MEIKIN: variants seen among roughly 807,000 people sequenced by gnomAD.
The protein encoded by MEIKIN is meiosis-specific kinetochore protein.
At chr5:131,889,653 G>A (rs1030085447) in intron 8 of MEIKIN, among the ~76,000 whole-genome samples, 8 of 152,196 alleles carry the variant, frequency 5.3e-5, no homozygotes, top group Non-Finnish European at 1.2e-4. Flanking sequence ...CATGTCATCT[G>A]CAAACAGGGA....
At chr5:131,914,826 G>A (rs1212178959) in intron 7 of MEIKIN, among the ~76,000 whole-genome samples, 1 of 152,108 alleles carries the variant, frequency 6.6e-6, no homozygotes, top group Non-Finnish European at 1.5e-5. Context: ...GACAATGGGA[G>A]CTGACTTTTC....
At chr5:131,819,008 C>T (rs1308515602) in intron 11 of MEIKIN, 145 bp from the exon 12 acceptor site, 7 of 377,360 alleles carry the variant, frequency 1.9e-5, no homozygotes, top group Non-Finnish European at 3.3e-5. Flanking sequence ...TACTCCACTC[C>T]TAACAGTAAT....
chr5:131,928,472 T>G (rs1253806624), intron 5 of MEIKIN, among the ~76,000 whole-genome samples: 6 of 152,342 alleles, frequency 3.9e-5, no homozygotes, highest in African/African-American at 1.4e-4. Context: ...CTTCTATAGT[T>G]GTTAACAGTC....
chr5:131,896,101 G>C (rs1751045149), intron 8 of MEIKIN, among the ~76,000 whole-genome samples: 1 of 152,130 alleles, frequency 6.6e-6, no homozygotes, highest in Non-Finnish European at 1.5e-5. Context: ...GTTCTCATTA[G>C]TTTCAAAGAA....
chr5:131,810,180 C>T (rs1772926606), intron 12 of MEIKIN, among the ~76,000 whole-genome samples: 1 of 152,180 alleles, frequency 6.6e-6, no homozygotes, highest in South Asian at 2.1e-4. Context: ...CTGTGTGATA[C>T]TTCTGCCTGC....
At chr5:131,905,374 G>A (rs941571749) in intron 8 of MEIKIN, among the ~76,000 whole-genome samples, 17 of 151,672 alleles carry the variant, frequency 1.1e-4, no homozygotes, top group African/African-American at 3.4e-4. Flanking sequence ...ACCTAATACC[G>A]CAACTAGAGG....
chr5:131,865,800 C>A (rs1750373569), intron 9 of MEIKIN, among the ~76,000 whole-genome samples: 1 of 152,220 alleles, frequency 6.6e-6, no homozygotes, highest in African/African-American at 2.4e-5. Context: ...TGGCTGTAAA[C>A]AGCATCAGTG....
intron 3 of MEIKIN, among the ~76,000 whole-genome samples, chr5:131,943,657 T>C (rs930567026): frequency 6.6e-6 from 1 of 152,094 alleles, no homozygotes. Flanking sequence ...AACAGAAATA[T>C]ATAAAAATTT....
At chr5:131,831,296 T>C (rs1749711770) in intron 11 of MEIKIN, among the ~76,000 whole-genome samples, 1 of 152,240 alleles carries the variant, frequency 6.6e-6, no homozygotes, top group African/African-American at 2.4e-5. Context: ...ACACCTGTAA[T>C]TCCAACACTT....
Position 131,835,072 on chromosome 5 carries a change from G to A in MEIKIN, c.975+16192C>T, listed in dbSNP as rs947334059. 2.6e-5 allele frequency among the ~76,000 whole-genome samples: 4 copies of A among 151,896 alleles called. No individual in the cohort carries two copies. The South Asian group carries it at 6.2e-4, about 24-fold the overall frequency. On this transcript the variant is annotated intron_variant, in intron 11 of 12. Transcript: ENST00000442687. ...ATGTTGAGCTCTTCATATAAGTGTT[G>A]GCCATTTGTATGTCTTTTTTGGAGA... is the stretch of plus-strand genomic sequence containing the variant.
chr5:131,815,253 T>G (rs1311391408), intron 12 of MEIKIN, among the ~76,000 whole-genome samples: 1 of 152,206 alleles, frequency 6.6e-6, no homozygotes, highest in Non-Finnish European at 1.5e-5. Flanking sequence ...CCTAATAGGA[T>G]GATGGGATGG....
chr5:131,873,425 C>G (rs970393263), intron 9 of MEIKIN, among the ~76,000 whole-genome samples: 5 of 152,176 alleles, frequency 3.3e-5, no homozygotes, highest in South Asian at 2.1e-4. Context: ...ATGGTAAAGG[C>G]ATCAATTCAA....
intron 7 of MEIKIN, among the ~76,000 whole-genome samples, chr5:131,914,523 G>A (rs1181099972): frequency 1.5e-5 from 2 of 135,510 alleles, no homozygotes; most frequent in African/African-American, 5.3e-5. Flanking sequence ...GAAAAAGGAA[G>A]GGAGGGGAGG....
chr5:131,846,986 G>C (rs1361804556), intron 11 of MEIKIN, among the ~76,000 whole-genome samples: 1 of 152,036 alleles, frequency 6.6e-6, no homozygotes, highest in Admixed American at 6.6e-5. Context: ...ATTCAAATTA[G>C]AGTATCATAA....
At chr5:131,868,973 T>A (rs1446136302) in intron 9 of MEIKIN, among the ~76,000 whole-genome samples, 1 of 152,244 alleles carries the variant, frequency 6.6e-6, no homozygotes, top group Non-Finnish European at 1.5e-5. Context: ...GCAAAAGTTT[T>A]TTTATTTTAA....
chr5:131,812,984 G>T (rs912848340), intron 12 of MEIKIN, among the ~76,000 whole-genome samples: 1 of 152,196 alleles, frequency 6.6e-6, no homozygotes, highest in Admixed American at 6.5e-5. Flanking sequence ...TGCCTATCAT[G>T]AACTATGTGC....
chr5:131,882,283 T>C (rs1329109837), intron 8 of MEIKIN, among the ~76,000 whole-genome samples: 1 of 152,186 alleles, frequency 6.6e-6, no homozygotes, highest in Non-Finnish European at 1.5e-5. Flanking sequence ...CTAAAATATA[T>C]AATCTGAGTC....
At chr5:131,884,592 T>C (rs1750746785) in intron 8 of MEIKIN, among the ~76,000 whole-genome samples, 3 of 151,696 alleles carry the variant, frequency 2.0e-5, no homozygotes, top group Admixed American at 2.0e-4. Context: ...CAAGTGACAC[T>C]CAGCACATTC....
intron 11 of MEIKIN, among the ~76,000 whole-genome samples, chr5:131,845,455 C>T (rs372003721): frequency 1.3e-5 from 2 of 151,130 alleles, no homozygotes; most frequent in South Asian, 4.2e-4. Flanking sequence ...CAGAAACTGC[C>T]TCTAAAAAGG....
Sources: gnomAD v4.1 joint callset for allele counts (sites outside exome capture counted in the v4.1 genomes callset) on GRCh38, gnomAD v4.1.1 for gene constraint, MANE v1.5 for transcripts, NCBI Gene and HGNC (gene_info 2026-07-23, HGNC 2026-07-21) for gene names.